KIF16B: variants seen among roughly 807,000 people sequenced by gnomAD.
KIF16B encodes the protein kinesin family member 16B, also known as kinesin-like protein KIF16B.
KIF16B carries 98 observed loss-of-function variants against 156.3 expected under a neutral mutation model. The observed-to-expected ratio is 0.63, with a 90% confidence interval of 0.53 to 0.74. The LOEUF (loss-of-function observed/expected upper bound fraction) is 0.74. KIF16B is among the 30% of genes least tolerant of loss of function. The pLI, the probability that KIF16B is intolerant of heterozygous loss-of-function variation, is 0.00. For missense variants in KIF16B, 1,421 were observed against 1,606.5 expected (o/e 0.88, Z 1.97); for synonymous variants, 564 against 583.7 (o/e 0.97, Z 0.49).
At chr20:16,374,781 ACGTTTGATG>A (rs1337572352) in intron 19 of KIF16B, among the ~76,000 whole-genome samples, 3 of 152,228 alleles carry the variant, frequency 2.0e-5, no homozygotes, top group Non-Finnish European at 4.4e-5. Flanking sequence ...GTAAATACTT[ACGTTTGATG>A]AAAAAGATCT....
intron 23 of KIF16B, among the ~76,000 whole-genome samples, chr20:16,351,130 C>T (rs933654187): frequency 3.9e-5 from 6 of 151,918 alleles, no homozygotes; most frequent in African/African-American, 9.7e-5. Context: ...ACTCTTCTGC[C>T]GATTACTTCC....
chr20:16,518,197 G>A (rs2069208307), intron 3 of KIF16B, among the ~76,000 whole-genome samples: 1 of 152,132 alleles, frequency 6.6e-6, no homozygotes, highest in South Asian at 2.1e-4. Flanking sequence ...GCTATGACCT[G>A]GAAAAGCAGC....
At chr20:16,274,934 T>C (rs1184865626) in intron 25 of KIF16B, among the ~76,000 whole-genome samples, 1 of 152,250 alleles carries the variant, frequency 6.6e-6, no homozygotes, top group African/African-American at 2.4e-5. Flanking sequence ...TTAATTCTCC[T>C]TCAAAATATT....
chr20:16,332,534 T>C (rs1046418757), intron 24 of KIF16B, among the ~76,000 whole-genome samples: 4 of 152,208 alleles, frequency 2.6e-5, no homozygotes, highest in Non-Finnish European at 5.9e-5. Flanking sequence ...CTCCTTTATA[T>C]ATAACATTCT....
At chr20:16,289,842 AAAAC>A (rs1453449895) in intron 25 of KIF16B, among the ~76,000 whole-genome samples, 7 of 152,244 alleles carry the variant, frequency 4.6e-5, no homozygotes, top group African/African-American at 7.2e-5. Flanking sequence ...CTCCGTCTCA[AAAAC>A]AAACAAAGAA....
chr20:16,358,631 G>C (rs921280736), intron 22 of KIF16B, among the ~76,000 whole-genome samples: 2 of 152,144 alleles, frequency 1.3e-5, no homozygotes, highest in South Asian at 2.1e-4. Flanking sequence ...TGAACGCAAT[G>C]GTACCCCACC....
At chr20:16,487,680 T>C (rs746871110) in intron 12 of KIF16B, among the ~76,000 whole-genome samples, 2 of 152,204 alleles carry the variant, frequency 1.3e-5, no homozygotes, top group African/African-American at 2.4e-5. Context: ...CATTTTACTA[T>C]ATTTCTTGTT....
chr20:16,502,143 G>A (rs1317236564), intron 10 of KIF16B, among the ~76,000 whole-genome samples: 1 of 152,028 alleles, frequency 6.6e-6, no homozygotes, highest in Admixed American at 6.6e-5. Context: ...ATGACTTTTT[G>A]CAATGGGAAA....
At chr20:16,538,306 G>A (rs6111172) in intron 1 of KIF16B, among the ~76,000 whole-genome samples, 30 of 152,070 alleles carry the variant, frequency 2.0e-4, no homozygotes, top group African/African-American at 7.0e-4. Context: ...CAGCCTCTCA[G>A]GTCAATTTCC....
chr20:16,327,883 G>A (rs1344545415), intron 24 of KIF16B, among the ~76,000 whole-genome samples: 1 of 152,148 alleles, frequency 6.6e-6, no homozygotes, highest in Admixed American at 6.5e-5. Context: ...CTTACTGGGT[G>A]CTCTCTGTGG....
chr20:16,442,779 T>C (rs1250960330), intron 12 of KIF16B, among the ~76,000 whole-genome samples: 1 of 152,118 alleles, frequency 6.6e-6, no homozygotes, highest in Non-Finnish European at 1.5e-5. Flanking sequence ...TGTTTATTTC[T>C]TAGCCAGTTG....
chr20:16,382,231 G>T, intron 17 of KIF16B: 2 of 660,262 alleles, frequency 3.0e-6, no homozygotes, highest in Non-Finnish European at 4.4e-6. Flanking sequence ...AAAGCAGTAA[G>T]GTACTTAAAA....
intron 24 of KIF16B, among the ~76,000 whole-genome samples, chr20:16,317,380 T>A (rs930322171): frequency 1.3e-5 from 2 of 152,196 alleles, no homozygotes; most frequent in African/African-American, 4.8e-5. Context: ...TTCTACAGCG[T>A]CTCAGGTAAG....
intron 15 of KIF16B, among the ~76,000 whole-genome samples, chr20:16,413,858 T>C (rs1315907644): frequency 2.6e-5 from 4 of 151,788 alleles, no homozygotes; most frequent in Non-Finnish European, 5.9e-5. Context: ...AACATACAAT[T>C]TTCTGAAATG....
At chr20:16,514,513 T>C (rs774764486) in intron 4 of KIF16B, among the ~76,000 whole-genome samples, 5 of 147,340 alleles carry the variant, frequency 3.4e-5, no homozygotes, top group African/African-American at 5.1e-5. Context: ...CATCTTCCAC[T>C]AGTGTCTCTA....
chr20:16,513,165 A>C (rs1272836598), intron 4 of KIF16B, among the ~76,000 whole-genome samples: 1 of 152,182 alleles, frequency 6.6e-6, no homozygotes. Flanking sequence ...TGTTAGTTAA[A>C]TCATGGCTTA....
chr20:16,302,897 TTTTC>T (rs2063493256), intron 25 of KIF16B, among the ~76,000 whole-genome samples: 1 of 152,214 alleles, frequency 6.6e-6, no homozygotes, highest in Non-Finnish European at 1.5e-5. Context: ...CCAGGAGTTT[TTTTC>T]TTTGTTAATT....
intron 12 of KIF16B, among the ~76,000 whole-genome samples, chr20:16,467,377 C>A (rs6043968): frequency 0.48 from 73,584 of 151,994 alleles, 18,429 homozygotes; most frequent in African/African-American, 0.62. Flanking sequence ...ACCACCTTTG[C>A]CCAAACACTT....
chr20:16,571,409 G>A (rs2122229145), intron 1 of KIF16B, among the ~76,000 whole-genome samples: 1 of 152,184 alleles, frequency 6.6e-6, no homozygotes, highest in African/African-American at 2.4e-5. Flanking sequence ...AAAGCCCATG[G>A]CCTCTGGACT....
Sources: allele counts gnomAD v4.1 joint callset (sites outside exome capture counted in the v4.1 genomes callset), GRCh38; gene constraint gnomAD v4.1.1; transcripts MANE v1.5; gene names NCBI Gene and HGNC (gene_info 2026-07-23, HGNC 2026-07-21).